PKD2: variants seen among roughly 807,000 people sequenced by gnomAD.
PKD2 encodes the protein polycystin 2, transient receptor potential cation channel, also known as polycystin-2.
A neutral mutation model predicts 105.9 loss-of-function variants in PKD2; 48 were observed. That is an observed-to-expected ratio of 0.45 (90% CI 0.36 to 0.58). The LOEUF is 0.58. PKD2 is among the 20% of genes least tolerant of loss of function. The pLI, the probability that PKD2 is intolerant of heterozygous loss-of-function variation, is 0.00. For synonymous variants in PKD2, 464 were observed against 481.1 expected, an observed-to-expected ratio of 0.96 and a Z score of 0.46; for missense variants, 1,078 against 1,255.3, an observed-to-expected ratio of 0.86 and a Z score of 2.13.
chr4:88,036,148 T>A (rs1302180590), intron 2 of PKD2, 72 bp from the exon 3 acceptor site: 1 of 1,612,910 alleles, frequency 6.2e-7, no homozygotes, highest in Non-Finnish European at 8.5e-7. Context: ...ACAATCCCTT[T>A]GTGAAGGCTG....
At chr4:88,061,546 T>C (rs918732643) in intron 9 of PKD2, among the ~76,000 whole-genome samples, 1 of 152,102 alleles carries the variant, frequency 6.6e-6, no homozygotes. Context: ...GAGACCAGCC[T>C]GGCCAACGTG....
At chr4:88,011,719 A>G (rs1463399889) in intron 1 of PKD2, among the ~76,000 whole-genome samples, 1 of 152,162 alleles carries the variant, frequency 6.6e-6, no homozygotes, top group Non-Finnish European at 1.5e-5. Flanking sequence ...AGATTTGAAC[A>G]TGGCTTTGGT....
chr4:88,042,835 A>C (rs767954778), intron 4 of PKD2, among the ~76,000 whole-genome samples: 1 of 152,214 alleles, frequency 6.6e-6, no homozygotes, highest in Non-Finnish European at 1.5e-5. Context: ...CCACTTGATG[A>C]ACTTGTCCCT....
At position 88,047,175 on chromosome 4, in the gene PKD2, G is replaced by GT. The variant is rs35144940; in HGVS notation, c.1548+314dup. Among the ~76,000 whole-genome samples, 32,087 of 150,448 alleles carry GT rather than the reference G, an allele frequency of 0.21. 7,028 individuals are homozygous for GT. Among genetic ancestry groups the GT allele is most frequent in the African/African-American group, 0.56 (22,950 of 40,918 alleles). ...GAGGAGAAAACAGTTTTTTTTCTTT[G>GT]TTTTTTTTTCCACTAATGATATTTT... On this transcript the variant is annotated intron_variant, in intron 6 of 14. Transcript: ENST00000237596.
intron 13 of PKD2, among the ~76,000 whole-genome samples, chr4:88,073,511 G>A (rs1273942623): frequency 6.6e-6 from 1 of 151,786 alleles, no homozygotes; most frequent in Non-Finnish European, 1.5e-5. Flanking sequence ...GGGCGACAGA[G>A]CAAGACTCTG....
chr4:88,032,364 T>G (rs1260317360), intron 2 of PKD2, among the ~76,000 whole-genome samples: 1 of 152,186 alleles, frequency 6.6e-6, no homozygotes, highest in Non-Finnish European at 1.5e-5. Context: ...GGTTGGTGGT[T>G]GTTAAGGCAC....
intron 2 of PKD2, among the ~76,000 whole-genome samples, chr4:88,019,835 G>T (rs758324337): frequency 2.6e-5 from 4 of 152,156 alleles, no homozygotes; most frequent in Non-Finnish European, 4.4e-5. Flanking sequence ...GCAACAGAAG[G>T]CTCTGAAAAA....
chr4:88,034,520 C>G (rs2110103063), intron 2 of PKD2, among the ~76,000 whole-genome samples: 1 of 151,664 alleles, frequency 6.6e-6, no homozygotes, highest in East Asian at 1.9e-4. Context: ...AATAAAAAAT[C>G]AGCTGGGCAT....
intron 4 of PKD2, among the ~76,000 whole-genome samples, chr4:88,040,280 G>T (rs1054567007): frequency 2.0e-5 from 3 of 152,036 alleles, no homozygotes; most frequent in African/African-American, 7.3e-5. Context: ...CGTTAGGGTG[G>T]CTTGTCGACG....
intron 10 of PKD2, among the ~76,000 whole-genome samples, chr4:88,062,696 A>G (rs994813320): frequency 1.3e-5 from 2 of 152,046 alleles, no homozygotes; most frequent in African/African-American, 4.8e-5. Flanking sequence ...TCCCAACATC[A>G]TTTTGCTAAG....
Position 88,024,445 on chromosome 4 carries a change from AC to A in PKD2, c.709+4875del, listed in dbSNP as rs542514399. Among the ~76,000 whole-genome samples, 575 of 138,794 alleles carry A rather than the reference AC, an allele frequency of 4.1e-3. 8 individuals carry two copies. Among genetic ancestry groups the A allele is most frequent in the African/African-American group, 0.015 (545 of 35,394 alleles). The allele number at this position is 138,794 out of a possible 152,430, so 91.1% of individuals were successfully genotyped here. A position where few individuals can be genotyped will look rare whatever the true frequency, so the allele number is the denominator to read the frequency against. ...GCACTCCAGCCTGGGCAATAGAGCAACACTCTGTCTCGAAAAAAAAAAAAAA... is the reference window on the plus strand; with the variant it reads ...GCACTCCAGCCTGGGCAATAGAGCAAACTCTGTCTCGAAAAAAAAAAAAAA... On this transcript the variant is annotated intron_variant, in intron 2 of 14. Transcript: ENST00000237596.
intron 7 of PKD2, 71 bp downstream of exon 7, chr4:88,052,229 A>G (rs1720132345): frequency 2.1e-6 from 2 of 962,910 alleles, no homozygotes; most frequent in African/African-American, 3.3e-5. Context: ...CCACAAAATC[A>G]TGGAATACTT....
intron 2 of PKD2, among the ~76,000 whole-genome samples, chr4:88,026,394 T>C (rs1437170457): frequency 6.6e-6 from 1 of 152,204 alleles, no homozygotes. Context: ...ATTTAGAGTA[T>C]CTGGCAGAAG....
At position 88,058,038 on chromosome 4, in the gene PKD2, G is replaced by A; in HGVS notation, c.1954G>A (p.Ala652Thr). ...TATCAACTTTGCAGAGATTGAGGAA[G>A]CTAATCGAGTTTTGGGACCAATTTA... ...GDINFAEIEE[A>T]NRVLGPIYFT... The change falls in exon 9 of 15, where the codon GCT becomes ACT. Residue 652 changes from alanine (A) to threonine (T), a missense_variant. Around this residue, in one of 2 missense-constraint regions of PKD2, gnomAD observed 868 missense variants for 1,067.3 expected, o/e 0.81. Coordinates refer to ENST00000237596, the MANE Select transcript of PKD2 (RefSeq NM_000297.4). 1 of 1,568,876 alleles carries A rather than the reference G, an allele frequency of 6.4e-7. No homozygotes were observed. Among genetic ancestry groups the A allele is most frequent in the Non-Finnish European group, 8.8e-7 (1 of 1,138,832 alleles).
intron 13 of PKD2, among the ~76,000 whole-genome samples, chr4:88,068,327 G>C (rs546243561): frequency 6.6e-6 from 1 of 152,114 alleles, no homozygotes; most frequent in South Asian, 2.1e-4. Flanking sequence ...AAAATTAGCT[G>C]GGCATGGTGG....
At position 88,057,723 on chromosome 4, in the gene PKD2, C is replaced by T. The variant is rs538721190; in HGVS notation, c.1899-260C>T. The stretch of plus-strand genomic sequence containing the variant: ...TGCTGGGATTACAGACGTGATCCAC[C>T]GTGCCCAGCTTGTGTTTTCTTTTTA... On this transcript the variant is annotated intron_variant, in intron 8 of 14. Transcript: ENST00000237596. 4.6e-5 allele frequency among the ~76,000 whole-genome samples: 7 copies of T among 152,208 alleles called. No homozygotes were observed. In the East Asian group the frequency reaches 1.2e-3, roughly 25 times the overall value.
intron 2 of PKD2, among the ~76,000 whole-genome samples, chr4:88,024,457 G>GAAAAAAAAAAAAAAAAAAA: frequency 2.0e-5 from 1 of 50,386 alleles, no homozygotes; most frequent in Non-Finnish European, 3.5e-5. Flanking sequence ...ACTCTGTCTC[G>GAAAAAAAAAAAAAAAAAAA]AAAAAAAAAA....
intron 7 of PKD2, among the ~76,000 whole-genome samples, chr4:88,053,364 C>G (rs1208698563): frequency 6.6e-6 from 1 of 152,064 alleles, no homozygotes; most frequent in African/African-American, 2.4e-5. Context: ...AGGTTTATCA[C>G]AAGACATAGA....
At chr4:88,071,753 C>CT (rs1560630858) in intron 13 of PKD2, among the ~76,000 whole-genome samples, 1 of 152,092 alleles carries the variant, frequency 6.6e-6, no homozygotes. Flanking sequence ...TGGCCATGTA[C>CT]GTAGTCACTC....
Sources: allele counts gnomAD v4.1 joint callset (sites outside exome capture counted in the v4.1 genomes callset), GRCh38; gene constraint gnomAD v4.1.1; regional missense constraint gnomAD v4.1.1; transcripts MANE v1.5; gene names NCBI Gene and HGNC (gene_info 2026-07-23, HGNC 2026-07-21).